The following TFDP2 variants were observed in gnomAD, a reference collection of about 807,000 sequenced individuals.
The protein encoded by TFDP2 is transcription factor Dp-2 (E2F dimerization partner 2).
TFDP2 carries 17 observed loss-of-function variants against 59.3 expected under a neutral mutation model. The ratio of observed to expected loss-of-function variants is 0.29; its 90% CI spans 0.20 to 0.43. The LOEUF is 0.43. TFDP2 is among the 20% of genes least tolerant of loss of function. The probability of loss-of-function intolerance (pLI) is 1.00; values close to 1 mark genes in which losing one functional copy is unlikely to be tolerated. For synonymous variants in TFDP2, 180 were observed against 194.7 expected (o/e 0.92, Z 0.63); for missense variants, 391 against 528.8 (o/e 0.74, Z 2.56).
At position 142,053,129 on chromosome 3, in the gene TFDP2, A is replaced by G. The variant is rs1325756785; in HGVS notation, c.82+39932T>C. 3.3e-5 allele frequency among the ~76,000 whole-genome samples: 5 copies of G among 152,198 alleles called. No homozygotes were observed. The East Asian group carries it at 7.7e-4, about 23-fold the overall frequency. ...AGCCCAGATTTCTTAAATAGGATAC[A>G]AAGAACCACAAACTATCTTTTTTAA... On this transcript the variant is annotated intron_variant, in intron 3 of 12. Coordinates refer to ENST00000489671, the MANE Select transcript of TFDP2 (RefSeq NM_001178139.2).
intron 6 of TFDP2, among the ~76,000 whole-genome samples, chr3:141,990,273 G>A (rs1253042138): frequency 3.3e-5 from 5 of 151,528 alleles, no homozygotes; most frequent in Admixed American, 2.0e-4. Flanking sequence ...AACATGAGAC[G>A]GAGTCCCGCT....
Position 142,002,905 on chromosome 3 carries a change from C to T in TFDP2, c.186+2536G>A, listed in dbSNP as rs575106887. On this transcript the variant is annotated intron_variant, in intron 4 of 12. Coordinates refer to ENST00000489671, the MANE Select transcript of TFDP2 (RefSeq NM_001178139.2). ...GCTGGGAAGTCCAGGATCAAGACAC[C>T]AGCAAATTCAGAAGGCTCACTCTCT... Among the ~76,000 whole-genome samples, 197 of 152,054 alleles carry T rather than the reference C, an allele frequency of 1.3e-3. 1 individual carries two copies. The highest frequency in any genetic ancestry group is 2.5e-3 in the Non-Finnish European group (170 of 68,012).
At chr3:142,010,476 G>A (rs1944572418) in intron 3 of TFDP2, among the ~76,000 whole-genome samples, 1 of 152,044 alleles carries the variant, frequency 6.6e-6, no homozygotes, top group Non-Finnish European at 1.5e-5. Flanking sequence ...GGGCATGGTG[G>A]CGTGTGCCTG....
intron 6 of TFDP2, among the ~76,000 whole-genome samples, chr3:141,981,401 C>T (rs902075046): frequency 2.6e-5 from 4 of 152,130 alleles, no homozygotes; most frequent in African/African-American, 9.7e-5. Context: ...CATAGCCCCT[C>T]ATTAAGTGAT....
chr3:142,143,753 A>C (rs904704974), intron 1 of TFDP2, among the ~76,000 whole-genome samples: 4 of 152,008 alleles, frequency 2.6e-5, no homozygotes, highest in African/African-American at 9.7e-5. Context: ...AGACAGTAAC[A>C]AATACTGGTG....
rs11378143 is a variant in TFDP2 at position 142,109,333 on chromosome 3, A to ATT, written c.-92-7494_-92-7493dup. Among the ~76,000 whole-genome samples, 455 of 144,970 alleles carry ATT rather than the reference A, an allele frequency of 3.1e-3. 3 individuals are homozygous for ATT. Among genetic ancestry groups the ATT allele is most frequent in the Non-Finnish European group, 4.4e-3 (293 of 66,272 alleles). Reference sequence around the variant, plus strand: ...CACATCTGAAATGTCAGTAAGCTACATTTTTTTTTTTTTTTGAGATGGAGT... The same window carrying ATT: ...CACATCTGAAATGTCAGTAAGCTACATTTTTTTTTTTTTTTTTGAGATGGAGT... On this transcript the variant is annotated intron_variant, in intron 1 of 12. Transcript: ENST00000489671.
At position 141,959,203 on chromosome 3, in the gene TFDP2, G is replaced by A. The variant is rs548457140; in HGVS notation, c.1051+471C>T. ...ACTCCCGACCTCAGGTGATCCACCC[G>A]TCTTGGCTTCCCAAAGTGCTGGGAT... On this transcript the variant is annotated intron_variant, in intron 11 of 12. Transcript: ENST00000489671. 3.0e-4 allele frequency among the ~76,000 whole-genome samples: 45 copies of A among 152,092 alleles called. No individual in the cohort carries two copies. The South Asian group carries it at 6.4e-3, about 22-fold the overall frequency.
Position 142,121,362 on chromosome 3 carries a change from C to T in TFDP2, c.-92-19521G>A, listed in dbSNP as rs971614797. On this transcript the variant is annotated intron_variant, in intron 1 of 12. Coordinates refer to ENST00000489671, the MANE Select transcript of TFDP2 (RefSeq NM_001178139.2). The surrounding 1 kb of genome is among the most constrained non-coding windows in gnomAD (Gnocchi z 4.3). ...TACAGTATAACATGCTAAAATACTA[C>T]GACACTAGACAGATATTCGGGGCAC... 2.6e-5 allele frequency among the ~76,000 whole-genome samples: 4 copies of T among 152,022 alleles called. No individual in the cohort carries two copies. Among genetic ancestry groups the T allele is most frequent in the South Asian group, 4.1e-4 (2 of 4,828 alleles).
At chr3:142,031,171 G>A (rs1277591669) in intron 3 of TFDP2, among the ~76,000 whole-genome samples, 1 of 152,128 alleles carries the variant, frequency 6.6e-6, no homozygotes, top group Admixed American at 6.5e-5. Context: ...AGCAACCCAA[G>A]GTCAGAAAGA....
chr3:142,004,977 T>C (rs1035359896), intron 4 of TFDP2, among the ~76,000 whole-genome samples: 4 of 152,234 alleles, frequency 2.6e-5, no homozygotes, highest in Admixed American at 6.5e-5. Context: ...AGCTCAAAAC[T>C]TGACCAGATA....
At chr3:142,098,857 C>T (rs1234541031) in intron 2 of TFDP2, among the ~76,000 whole-genome samples, 1 of 152,272 alleles carries the variant, frequency 6.6e-6, no homozygotes, top group South Asian at 2.1e-4. Context: ...CTGACATCAT[C>T]GTTTGATCCC....
chr3:142,081,944 G>A (rs989467343), intron 3 of TFDP2, among the ~76,000 whole-genome samples: 2 of 152,146 alleles, frequency 1.3e-5, no homozygotes, highest in Non-Finnish European at 2.9e-5. Flanking sequence ...ATTCCAAAAA[G>A]TACAGCAGGG....
At chr3:142,046,076 T>C (rs1195724331) in intron 3 of TFDP2, among the ~76,000 whole-genome samples, 1 of 152,136 alleles carries the variant, frequency 6.6e-6, no homozygotes, top group Non-Finnish European at 1.5e-5. Flanking sequence ...TCAATTCAGT[T>C]TGTCATGACT....
intron 1 of TFDP2, among the ~76,000 whole-genome samples, chr3:142,106,333 T>C (rs1417920211): frequency 1.3e-5 from 2 of 152,194 alleles, no homozygotes; most frequent in African/African-American, 4.8e-5. Flanking sequence ...ACAAATGGGA[T>C]TGTGATAGAG....
intron 1 of TFDP2, among the ~76,000 whole-genome samples, chr3:142,110,480 G>A (rs1415180829): frequency 2.7e-5 from 4 of 150,664 alleles, no homozygotes; most frequent in African/African-American, 7.3e-5. Flanking sequence ...CTCCAGCCTG[G>A]GCGACAGAAC....
chr3:142,124,186 T>C (rs2062151913), intron 1 of TFDP2, among the ~76,000 whole-genome samples: 1 of 152,144 alleles, frequency 6.6e-6, no homozygotes, highest in Non-Finnish European at 1.5e-5. Context: ...AATCTATGAA[T>C]AGAATGAATC....
chr3:142,061,950 G>T (rs2059929929), intron 3 of TFDP2, among the ~76,000 whole-genome samples: 1 of 131,558 alleles, frequency 7.6e-6, no homozygotes. Flanking sequence ...ACACAGAGCT[G>T]ATATTTGAAT....
chr3:142,052,561 C>A (rs1239098075), intron 3 of TFDP2, among the ~76,000 whole-genome samples: 1 of 151,818 alleles, frequency 6.6e-6, no homozygotes, highest in African/African-American at 2.4e-5. Context: ...AAAAAGAAAA[C>A]CTTAGTATTA....
At position 141,968,328 on chromosome 3, in the gene TFDP2, AAT is replaced by A. The variant is rs578060458; in HGVS notation, c.732+1743_732+1744del. Among the ~76,000 whole-genome samples, 653 of 106,274 alleles carry A rather than the reference AAT, an allele frequency of 6.1e-3. 22 individuals carry two copies. Among genetic ancestry groups the A allele is most frequent in the African/African-American group, 0.024 (630 of 26,124 alleles). The allele number at this position is 106,274 out of a possible 152,430, so 69.7% of individuals were successfully genotyped here. ...ATATATATAACTATATATAACATAT[AAT>A]ATATATAATATATAACTATATATAA... On this transcript the variant is annotated intron_variant, in intron 9 of 12. Coordinates refer to ENST00000489671, the MANE Select transcript of TFDP2 (RefSeq NM_001178139.2).
Sources: allele counts gnomAD v4.1 joint callset (sites outside exome capture counted in the v4.1 genomes callset), GRCh38; gene constraint gnomAD v4.1.1; non-coding constraint Gnocchi (gnomAD v3.1); transcripts MANE v1.5; gene names NCBI Gene and HGNC (gene_info 2026-07-23, HGNC 2026-07-21).